The following ELK4 variants were observed in gnomAD, a reference collection of about 807,000 sequenced individuals.
ELK4 encodes the protein ETS domain-containing protein Elk-4.
Under a neutral mutation model 29.6 loss-of-function variants are expected in ELK4, and 16 were observed. That is an observed-to-expected ratio of 0.54 (90% confidence interval 0.37 to 0.82). The LOEUF (loss-of-function observed/expected upper bound fraction) is 0.82, where lower values mean the gene tolerates loss of function less well. ELK4 is among the 40% of genes least tolerant of loss of function. The probability of loss-of-function intolerance (pLI) is 0.00; values close to 1 mark genes in which losing one functional copy is unlikely to be tolerated. For missense variants in ELK4, 465 were observed against 507.1 expected, an observed-to-expected ratio of 0.92 and a Z score of 0.80; for synonymous variants, 213 against 191.1, an observed-to-expected ratio of 1.11 and a Z score of -0.95.
At chr1:205,621,842 G>A (rs946228391) in intron 2 of ELK4, among the ~76,000 whole-genome samples, 1 of 151,806 alleles carries the variant, frequency 6.6e-6, no homozygotes, top group Admixed American at 6.6e-5. Context: ...TTAGAACATA[G>A]TATCTGTTAA....
rs1670217769 is a variant in ELK4, at chr1:205,615,488, A to G, written c.*1058T>C. ...TTCTACCTTCCTAACTGCATCTTTA[A>G]AACTATCATAACCTCTAACAACCTT... On this transcript the variant is annotated 3_prime_UTR_variant, in exon 5 of 5. Transcript: ENST00000357992. 2 of 181,222 alleles carry G rather than the reference A, an allele frequency of 1.1e-5. No homozygotes were observed. The highest frequency in any genetic ancestry group is 2.4e-5 in the Non-Finnish European group (2 of 84,836). The allele number at this position is 181,222 out of a possible 1,614,324, so 11.2% of individuals were successfully genotyped here.
chr1:205,609,232 C>T lies in ELK4; in HGVS notation c.*7314G>A, dbSNP rs1670117126. ...TTCTTCAAAATGCAAAGTTACATAC[C>T]CTTATTTTTTAGCCAATTTGATTAT... On this transcript the variant is annotated 3_prime_UTR_variant, in exon 5 of 5. Coordinates refer to ENST00000357992, the MANE Select transcript of ELK4 (RefSeq NM_001973.4). 5.3e-6 allele frequency: 1 copy of T among 188,060 alleles called. No homozygotes were observed. Among genetic ancestry groups the T allele is most frequent in the South Asian group, 2.0e-4 (1 of 5,128 alleles). 11.6% of individuals were successfully genotyped at this position (188,060 alleles called of 1,614,324 possible). A position where few individuals can be genotyped will look rare whatever the true frequency, so the allele number is the denominator to read the frequency against.
At position 205,622,136 on chromosome 1, in the gene ELK4, C is replaced by T. The variant is rs542506769; in HGVS notation, c.208-1298G>A. Among the ~76,000 whole-genome samples, 11 of 152,120 alleles carry T rather than the reference C, an allele frequency of 7.2e-5. No individual in the cohort carries two copies. The South Asian group carries it at 2.3e-3, about 32-fold the overall frequency. On this transcript the variant is annotated intron_variant, in intron 2 of 4. Coordinates refer to ENST00000357992, the MANE Select transcript of ELK4 (RefSeq NM_001973.4). The stretch of plus-strand genomic sequence containing the variant: ...GGCTGAGGCAGGTGAATCACTTGAA[C>T]CTGGGAGGCAGAAGTTGCAGTGAGC...
At chr1:205,625,328 C>G (rs1260432995) in intron 1 of ELK4, among the ~76,000 whole-genome samples, 2 of 151,356 alleles carry the variant, frequency 1.3e-5, no homozygotes, top group Non-Finnish European at 2.9e-5. Flanking sequence ...GAAAAGACAT[C>G]ATAGCAAAGA....
intron 1 of ELK4, among the ~76,000 whole-genome samples, chr1:205,630,460 A>G (rs1670558433): frequency 6.6e-6 from 1 of 152,172 alleles, no homozygotes; most frequent in Non-Finnish European, 1.5e-5. Flanking sequence ...GCTAAGACCC[A>G]AAAAAACACA....
intron 1 of ELK4, among the ~76,000 whole-genome samples, chr1:205,626,557 A>G (rs529545409): frequency 6.6e-6 from 1 of 152,048 alleles, no homozygotes; most frequent in Non-Finnish European, 1.5e-5. Context: ...GCACATCAAT[A>G]AAGAAGAAAC....
chr1:205,623,452 G>A (rs1278945721), intron 2 of ELK4, among the ~76,000 whole-genome samples: 1 of 151,682 alleles, frequency 6.6e-6, no homozygotes, highest in Non-Finnish European at 1.5e-5. Flanking sequence ...TGGGATTACA[G>A]GTGCCCACCA....
rs576315931 is a variant in ELK4 at position 205,629,448 on chromosome 1, G to A, written c.-10+2184C>T. ...CATCAGATATAAAAGAGAGCTGGCC[G>A]GGCACAGTGGCATACGCCTACCATC... On this transcript the variant is annotated intron_variant, in intron 1 of 4. Coordinates refer to ENST00000357992, the MANE Select transcript of ELK4 (RefSeq NM_001973.4). Among the ~76,000 whole-genome samples the A allele has an allele frequency of 5.3e-5, 8 of 152,268 alleles. 1 individual carries two copies. In the East Asian group the frequency reaches 1.3e-3, roughly 26 times the overall value.
At chr1:205,630,096 C>CA (rs113979690) in intron 1 of ELK4, among the ~76,000 whole-genome samples, 5,990 of 140,308 alleles carry the variant, frequency 0.043, 228 homozygotes, top group African/African-American at 0.1. Flanking sequence ...TGTTACCTAT[C>CA]AAAAAAAAAA....
rs1670141488 is a variant in ELK4 at position 205,610,938 on chromosome 1, G to T, written c.*5608C>A. 3 of 226,946 alleles carry T rather than the reference G, an allele frequency of 1.3e-5. No individual in the cohort carries two copies. Among genetic ancestry groups the T allele is most frequent in the Non-Finnish European group, 2.6e-5 (3 of 114,254 alleles). The allele number at this position is 226,946 out of a possible 1,614,324, so 14.1% of individuals were successfully genotyped here. ...CAACCTCATAAAACTTCCTGATGTG[G>T]ACTATACTCAAATGATTAGCACTCA... On this transcript the variant is annotated 3_prime_UTR_variant, in exon 5 of 5. Transcript: ENST00000357992.
At chr1:205,619,685 A>G in intron 3 of ELK4, 1 of 1,415,600 alleles carries the variant, frequency 7.1e-7, no homozygotes. Flanking sequence ...ACCGAGAGAG[A>G]GCGAGAGAGT....
intron 1 of ELK4, 53 bp from the exon 2 acceptor site, chr1:205,623,944 A>C: frequency 6.6e-7 from 1 of 1,506,776 alleles, no homozygotes; most frequent in Non-Finnish European, 9.2e-7. Context: ...ACACCTATTT[A>C]ACACTGTATG....
At chr1:205,617,331 A>T (rs1023987571) in intron 4 of ELK4, among the ~76,000 whole-genome samples, 2 of 152,206 alleles carry the variant, frequency 1.3e-5, no homozygotes, top group African/African-American at 4.8e-5. Context: ...TGAGAAGTTA[A>T]ATTACAAAAT....
rs527284399 is a variant in ELK4, at chr1:205,610,626, C to T, written c.*5920G>A. The T allele has an allele frequency of 1.7e-5, 4 of 230,366 alleles. No homozygotes were observed. In the South Asian group the frequency reaches 7.3e-4, roughly 42 times the overall value. 14.3% of individuals were successfully genotyped at this position (230,366 alleles called of 1,614,324 possible). ...AGTGTATTTCTAAAATGTTGGTGAG[C>T]AATTCATCTTTAAGGCCTACTGAAA... On this transcript the variant is annotated 3_prime_UTR_variant, in exon 5 of 5. Transcript: ENST00000357992.
Position 205,631,656 on chromosome 1 carries a change from T to C in ELK4, c.-34A>G. 1 of 336,728 alleles carries C rather than the reference T, an allele frequency of 3.0e-6. No individual in the cohort carries two copies. The highest frequency in any genetic ancestry group is 2.0e-5 in the South Asian group (1 of 50,042). 20.9% of individuals were successfully genotyped at this position (336,728 alleles called of 1,614,324 possible). A position where few individuals can be genotyped will look rare whatever the true frequency, so the allele number is the denominator to read the frequency against. ...CCGACGCCGCGCGCGGGGCTCCCCC[T>C]CGGTCTCCGCCTCGAACACGATGCG... On this transcript the variant is annotated 5_prime_UTR_variant, in exon 1 of 5. Coordinates refer to ENST00000357992, the MANE Select transcript of ELK4 (RefSeq NM_001973.4).
rs552485106 is a variant in ELK4, at chr1:205,613,481, T to C, written c.*3065A>G. ...CCACTCTTGGGTGGAGTAAATGCAA[T>C]GGTTTGCCAGCACTGGCTCTGAGCC... On this transcript the variant is annotated 3_prime_UTR_variant, in exon 5 of 5. Transcript: ENST00000357992. 9.2e-5 allele frequency: 17 copies of C among 184,970 alleles called. No individual in the cohort carries two copies. Among genetic ancestry groups the C allele is most frequent in the Non-Finnish European group, 1.3e-4 (11 of 87,232 alleles). The allele number at this position is 184,970 out of a possible 1,614,324, so 11.5% of individuals were successfully genotyped here.
chr1:205,626,090 G>A (rs1444934880), intron 1 of ELK4: 7 of 933,504 alleles, frequency 7.5e-6, no homozygotes, highest in Non-Finnish European at 1.2e-5. Flanking sequence ...AGCTCTACCA[G>A]GAACACCATG....
chr1:205,612,508 G>A lies in ELK4; in HGVS notation c.*4038C>T, dbSNP rs1670167033. 4.7e-6 allele frequency: 1 copy of A among 213,584 alleles called. No individual in the cohort carries two copies. The highest frequency in any genetic ancestry group is 2.3e-5 in the African/African-American group (1 of 44,154). The allele number at this position is 213,584 out of a possible 1,614,324, so 13.2% of individuals were successfully genotyped here. A position where few individuals can be genotyped will look rare whatever the true frequency, so the allele number is the denominator to read the frequency against. ...ATATACCCATATGAATTTTTAATAG[G>A]GAAAGTTTTTATGTTCAATAACTCT... On this transcript the variant is annotated 3_prime_UTR_variant, in exon 5 of 5. Coordinates refer to ENST00000357992, the MANE Select transcript of ELK4 (RefSeq NM_001973.4).
chr1:205,616,533 A>G lies in ELK4; in HGVS notation c.*13T>C, dbSNP rs750314163. The G allele has an allele frequency of 3.7e-6, 6 of 1,611,266 alleles. No individual in the cohort carries two copies. The African/African-American group carries it at 8.0e-5, about 22-fold the overall frequency. ...CTTCGTTCCTCGGTTCTCTCATTCC[A>G]CAAGTGCATAGGTTATGTCTTCTGT... On this transcript the variant is annotated 3_prime_UTR_variant, in exon 5 of 5. Transcript: ENST00000357992.
Sources: gnomAD v4.1 joint callset for allele counts (sites outside exome capture counted in the v4.1 genomes callset) on GRCh38, gnomAD v4.1.1 for gene constraint, MANE v1.5 for transcripts, NCBI Gene and HGNC (gene_info 2026-07-23, HGNC 2026-07-21) for gene names.